The following FBXO34 variants were observed in gnomAD, a reference collection of about 807,000 sequenced individuals.
The protein encoded by FBXO34 is F-box protein 34.
A neutral mutation model predicts 24.5 loss-of-function variants in FBXO34; 12 were observed. The ratio of observed to expected loss-of-function variants is 0.49; its 90% CI spans 0.31 to 0.79. The LOEUF is 0.79. Ranked by LOEUF, FBXO34 falls within the 30% of genes least tolerant of loss-of-function variation. The pLI is 0.04. For synonymous variants in FBXO34, 320 were observed against 311.9 expected, an observed-to-expected ratio of 1.03 and a Z score of -0.27; for missense variants, 823 against 857.7, an observed-to-expected ratio of 0.96 and a Z score of 0.51.
chr14:55,392,174 C>T, the FBXO34 span, among the ~76,000 whole-genome samples: 2 of 152,276 alleles, frequency 1.3e-5, no homozygotes, highest in Admixed American at 6.5e-5. Flanking sequence ...ATAGAGTTCG[C>T]ACTCCTATGG....
At chr14:55,429,884 A>G in the FBXO34 span, among the ~76,000 whole-genome samples, 1 of 151,974 alleles carries the variant, frequency 6.6e-6, no homozygotes, top group Non-Finnish European at 1.5e-5. Flanking sequence ...CAGACAAGGT[A>G]TCAGTTCTTG....
the FBXO34 span, among the ~76,000 whole-genome samples, chr14:55,415,437 T>G: frequency 1.3e-5 from 2 of 152,114 alleles, no homozygotes; most frequent in African/African-American, 4.8e-5. Context: ...GACCCAACAA[T>G]TTCACGCCTT....
At chr14:55,346,487 A>G (rs958248687) in intron 1 of FBXO34, among the ~76,000 whole-genome samples, 6 of 152,198 alleles carry the variant, frequency 3.9e-5, no homozygotes, top group African/African-American at 1.2e-4. Context: ...ATTCTTTTTG[A>G]TATCCAGGTG....
chr14:55,401,969 G>T, the FBXO34 span, among the ~76,000 whole-genome samples: 45 of 152,332 alleles, frequency 3.0e-4, no homozygotes, highest in Non-Finnish European at 5.3e-4. Context: ...TAATGAGGTA[G>T]TGGTTATGAA....
intron 1 of FBXO34, among the ~76,000 whole-genome samples, chr14:55,319,230 G>C (rs1044741217): frequency 6.6e-6 from 1 of 152,098 alleles, no homozygotes; most frequent in Non-Finnish European, 1.5e-5. Context: ...AATGACAGCT[G>C]TATCTAAAAG....
the FBXO34 span, among the ~76,000 whole-genome samples, chr14:55,391,753 C>T: frequency 1.1e-4 from 17 of 152,296 alleles, no homozygotes; most frequent in African/African-American, 3.1e-4. Context: ...AGCATCATCA[C>T]GCAAAGTCCT....
chr14:55,325,263 A>G (rs1394434254), intron 1 of FBXO34, among the ~76,000 whole-genome samples: 1 of 152,128 alleles, frequency 6.6e-6, no homozygotes. Context: ...TAGTTACTTT[A>G]GTGGATTTTT....
At chr14:55,433,607 G>A in the FBXO34 span, 2 of 1,589,698 alleles carry the variant, frequency 1.3e-6, no homozygotes, top group Non-Finnish European at 1.7e-6. Context: ...CTCTGGTAGG[G>A]GTGGAGGGAT....
chr14:55,375,463 C>A, the FBXO34 span, among the ~76,000 whole-genome samples: 1 of 149,926 alleles, frequency 6.7e-6, no homozygotes, highest in African/African-American at 2.5e-5. Flanking sequence ...GCTGGGACTA[C>A]AGGCATGCAT....
chr14:55,291,320 C>A (rs1412435510), intron 1 of FBXO34, among the ~76,000 whole-genome samples: 1 of 152,206 alleles, frequency 6.6e-6, no homozygotes, highest in African/African-American at 2.4e-5. Context: ...GAAAATACTT[C>A]TATGCTTACA....
chr14:55,272,617 AT>A (rs57429957), intron 1 of FBXO34, among the ~76,000 whole-genome samples: 5 of 143,324 alleles, frequency 3.5e-5, no homozygotes, highest in African/African-American at 7.7e-5. Flanking sequence ...ATCTTACATG[AT>A]TTTTTTTTTC....
intron 1 of FBXO34, among the ~76,000 whole-genome samples, chr14:55,335,847 A>G (rs1404185953): frequency 6.6e-6 from 1 of 152,230 alleles, no homozygotes; most frequent in Non-Finnish European, 1.5e-5. Context: ...CTTTAGAGCA[A>G]TGTATAACTA....
chr14:55,324,100 C>T (rs1224913498), intron 1 of FBXO34, among the ~76,000 whole-genome samples: 2 of 152,078 alleles, frequency 1.3e-5, no homozygotes, highest in Non-Finnish European at 2.9e-5. Context: ...CCTCCTCCCC[C>T]CCAGTGGTTG....
At chr14:55,323,144 C>A (rs1389391524) in intron 1 of FBXO34, among the ~76,000 whole-genome samples, 1 of 123,148 alleles carries the variant, frequency 8.1e-6, no homozygotes, top group African/African-American at 3.2e-5. Flanking sequence ...GAGATCACAC[C>A]ACTGCACTCC....
intron 1 of FBXO34, among the ~76,000 whole-genome samples, chr14:55,305,665 CAAA>C (rs911131291): frequency 5.2e-5 from 4 of 77,006 alleles, no homozygotes; most frequent in Admixed American, 1.5e-4. Flanking sequence ...CTGCACTCCT[CAAA>C]AAAAAAAAAA....
intron 1 of FBXO34, among the ~76,000 whole-genome samples, chr14:55,321,553 C>A (rs972530332): frequency 6.6e-6 from 1 of 152,104 alleles, no homozygotes; most frequent in Non-Finnish European, 1.5e-5. Flanking sequence ...AATGCCACCA[C>A]CCCCGGCTAA....
chr14:55,281,085 AT>A (rs1881524799), intron 1 of FBXO34, among the ~76,000 whole-genome samples: 1 of 152,052 alleles, frequency 6.6e-6, no homozygotes, highest in Non-Finnish European at 1.5e-5. Context: ...TCTGGTGTGC[AT>A]TTTAGACTTA....
At chr14:55,320,193 A>T (rs902472564) in intron 1 of FBXO34, among the ~76,000 whole-genome samples, 2 of 152,198 alleles carry the variant, frequency 1.3e-5, no homozygotes, top group African/African-American at 4.8e-5. Flanking sequence ...TGAAAGAGGA[A>T]ATCTACCAGC....
the FBXO34 span, among the ~76,000 whole-genome samples, chr14:55,380,875 A>ATATATATTTTTTTTTT: frequency 6.6e-4 from 74 of 112,678 alleles, no homozygotes; most frequent in Non-Finnish European, 1.1e-3. Context: ...ATATATATAT[A>ATATATATTTTTTTTTT]TTTTTTTTTT....
Sources: allele counts gnomAD v4.1 joint callset (sites outside exome capture counted in the v4.1 genomes callset), GRCh38; gene constraint gnomAD v4.1.1; transcripts MANE v1.5; gene names NCBI Gene and HGNC (gene_info 2026-07-23, HGNC 2026-07-21).